The following AGBL4 variants were observed in gnomAD, a reference collection of about 807,000 sequenced individuals.
The protein encoded by AGBL4 is AGBL carboxypeptidase 4, also known as cytosolic carboxypeptidase 6.
In AGBL4, 58 loss-of-function variants were observed where a neutral mutation model predicts 66.4. The observed-to-expected ratio is 0.87, with a 90% confidence interval of 0.71 to 1.09. AGBL4 has a LOEUF of 1.09. Among genes scored for constraint, AGBL4 ranks in the 50% least tolerant of loss-of-function variants. AGBL4 has a pLI of 0.00. For missense variants in AGBL4, 579 were observed against 631.0 expected, an observed-to-expected ratio of 0.92 and a Z score of 0.88; for synonymous variants, 234 against 222.9, an observed-to-expected ratio of 1.05 and a Z score of -0.44.
At chr1:49,772,899 A>C (rs1467114248) in intron 2 of AGBL4, among the ~76,000 whole-genome samples, 1 of 152,204 alleles carries the variant, frequency 6.6e-6, no homozygotes, top group Non-Finnish European at 1.5e-5. Flanking sequence ...AGACATGAGA[A>C]GATTCCACTA....
At chr1:49,849,680 A>C (rs6693846) in intron 2 of AGBL4, among the ~76,000 whole-genome samples, 2 of 151,780 alleles carry the variant, frequency 1.3e-5, no homozygotes, top group African/African-American at 4.8e-5. Context: ...ACAACCAATT[A>C]TTCATAAATT....
intron 4 of AGBL4, among the ~76,000 whole-genome samples, chr1:49,134,316 T>C (rs1645961603): frequency 6.6e-6 from 1 of 152,050 alleles, no homozygotes; most frequent in South Asian, 2.1e-4. Flanking sequence ...ATAAACATCT[T>C]AACAGGGTTC....
intron 4 of AGBL4, among the ~76,000 whole-genome samples, chr1:49,135,786 T>C (rs374605929): frequency 1.3e-5 from 2 of 152,114 alleles, no homozygotes; most frequent in East Asian, 3.9e-4. Context: ...ACCTTCCAGC[T>C]TGGGCGTTAG....
chr1:49,649,830 A>C (rs188489570), intron 3 of AGBL4, among the ~76,000 whole-genome samples: 64 of 152,296 alleles, frequency 4.2e-4, no homozygotes, highest in African/African-American at 1.5e-3. Context: ...AAAAATAAGT[A>C]ACAAAAAGTT....
intron 3 of AGBL4, among the ~76,000 whole-genome samples, chr1:49,272,522 C>T (rs1014770061): frequency 6.6e-6 from 1 of 152,084 alleles, no homozygotes; most frequent in Non-Finnish European, 1.5e-5. Context: ...GTCTAACACA[C>T]CTAAAATTTT....
intron 1 of AGBL4, among the ~76,000 whole-genome samples, chr1:49,926,528 G>A (rs1329092288): frequency 3.9e-5 from 6 of 152,060 alleles, no homozygotes; most frequent in African/African-American, 1.4e-4. Flanking sequence ...AGGAAAACAG[G>A]ACCTCATCAA....
At chr1:49,474,551 G>T (rs1202938454) in intron 3 of AGBL4, among the ~76,000 whole-genome samples, 1 of 151,754 alleles carries the variant, frequency 6.6e-6, no homozygotes, top group African/African-American at 2.4e-5. Flanking sequence ...TCCATTCTTG[G>T]CTAATTATTT....
rs1478523002 is a variant in AGBL4, at chr1:48,894,133, C to T, written c.595-26903G>A. Reference sequence around the variant, plus strand: ...GTGCAAACCCTTTGACCCAGTAATTCTACTGTTAGGAAATTAGCTTAATGG... The same window carrying T: ...GTGCAAACCCTTTGACCCAGTAATTTTACTGTTAGGAAATTAGCTTAATGG... On this transcript the variant is annotated intron_variant, in intron 5 of 13. Coordinates refer to ENST00000371839, the MANE Select transcript of AGBL4 (RefSeq NM_032785.4). Among the ~76,000 whole-genome samples the T allele has an allele frequency of 2.6e-5, 4 of 152,146 alleles. No homozygotes were observed. The East Asian group carries it at 7.7e-4, about 29-fold the overall frequency.
At chr1:49,160,197 C>G (rs867871303) in intron 4 of AGBL4, among the ~76,000 whole-genome samples, 1 of 152,116 alleles carries the variant, frequency 6.6e-6, no homozygotes. Flanking sequence ...CCCTTCTTCA[C>G]GGATTTATCT....
chr1:49,704,290 G>A (rs572511709), intron 2 of AGBL4, among the ~76,000 whole-genome samples: 2 of 152,132 alleles, frequency 1.3e-5, no homozygotes, highest in Admixed American at 1.3e-4. Flanking sequence ...ACCTTTACAT[G>A]TATGAAACAG....
rs1011259652 is a variant in AGBL4 at position 48,609,908 on chromosome 1, C to T, written c.952-18923G>A. On this transcript the variant is annotated intron_variant, in intron 9 of 13. Transcript: ENST00000371839. ...GTTCATTTTCTGTCCTCCGAGGTCA[C>T]CCTCTTCTTTATTATAAGAGCCCAT... Among the ~76,000 whole-genome samples the T allele has an allele frequency of 7.9e-5, 12 of 152,298 alleles. No individual in the cohort carries two copies. In the South Asian group the frequency reaches 2.3e-3, roughly 29 times the overall value.
intron 6 of AGBL4, among the ~76,000 whole-genome samples, chr1:48,728,264 T>C (rs1647499282): frequency 6.6e-6 from 1 of 152,230 alleles, no homozygotes; most frequent in South Asian, 2.1e-4. Flanking sequence ...AGTGTCCACG[T>C]GTCCACCACT....
At chr1:49,541,277 T>A (rs1651995194) in intron 3 of AGBL4, among the ~76,000 whole-genome samples, 1 of 152,120 alleles carries the variant, frequency 6.6e-6, no homozygotes, top group Non-Finnish European at 1.5e-5. Flanking sequence ...TGGGAGCCCC[T>A]CTCTGGGCTG....
chr1:49,248,710 A>C (rs1479578049), intron 3 of AGBL4, among the ~76,000 whole-genome samples: 1 of 152,178 alleles, frequency 6.6e-6, no homozygotes, highest in African/African-American at 2.4e-5. Flanking sequence ...AGAATCTGTA[A>C]GATTATATAA....
At chr1:49,768,433 C>A (rs1193609302) in intron 2 of AGBL4, among the ~76,000 whole-genome samples, 1 of 152,152 alleles carries the variant, frequency 6.6e-6, no homozygotes. Context: ...ATCATGTGAT[C>A]ATCTCAACTG....
chr1:49,519,506 C>T (rs1259877150), intron 3 of AGBL4, among the ~76,000 whole-genome samples: 1 of 151,738 alleles, frequency 6.6e-6, no homozygotes, highest in East Asian at 1.9e-4. Flanking sequence ...AAAACAGAGG[C>T]CAAAACACAT....
At chr1:48,991,063 G>T (rs1380651540) in intron 5 of AGBL4, among the ~76,000 whole-genome samples, 1 of 152,114 alleles carries the variant, frequency 6.6e-6, no homozygotes, top group Non-Finnish European at 1.5e-5. Flanking sequence ...TTACCAATGA[G>T]TTTTGTACCT....
chr1:49,196,320 G>A (rs919486182), intron 4 of AGBL4, among the ~76,000 whole-genome samples: 4 of 152,052 alleles, frequency 2.6e-5, no homozygotes, highest in African/African-American at 7.2e-5. Flanking sequence ...TCTGCATTTT[G>A]TAATTCCTTA....
intron 9 of AGBL4, among the ~76,000 whole-genome samples, chr1:48,630,676 G>T (rs977130410): frequency 6.6e-6 from 1 of 152,142 alleles, no homozygotes; most frequent in Non-Finnish European, 1.5e-5. Flanking sequence ...CACCAGAGGG[G>T]TCTCTCTGAA....
Sources: gnomAD v4.1 joint callset for allele counts (sites outside exome capture counted in the v4.1 genomes callset) on GRCh38, gnomAD v4.1.1 for gene constraint, MANE v1.5 for transcripts, NCBI Gene and HGNC (gene_info 2026-07-23, HGNC 2026-07-21) for gene names.